The following DZANK1 variants were observed in gnomAD, a reference collection of about 807,000 sequenced individuals.
DZANK1 encodes double zinc ribbon and ankyrin repeat-containing protein 1.
In DZANK1, 91 loss-of-function variants were observed where a neutral mutation model predicts 94.5. The ratio of observed to expected loss-of-function variants is 0.96; its 90% CI spans 0.81 to 1.15. DZANK1 has a LOEUF of 1.15. DZANK1 is among the 50% of genes most tolerant of loss of function. DZANK1 has a pLI of 0.00. For synonymous variants in DZANK1, 312 were observed against 325.3 expected (o/e 0.96, Z 0.44); for missense variants, 903 against 916.4 (o/e 0.99, Z 0.19).
intron 8 of DZANK1, among the ~76,000 whole-genome samples, chr20:18,442,781 T>A (rs1193785956): frequency 6.6e-6 from 1 of 152,144 alleles, no homozygotes; most frequent in African/African-American, 2.4e-5. Context: ...CCCCAAAATA[T>A]CAAGTGCTTA....
At chr20:18,406,769 G>A (rs1436812712) in intron 13 of DZANK1, among the ~76,000 whole-genome samples, 2 of 152,242 alleles carry the variant, frequency 1.3e-5, no homozygotes, top group Non-Finnish European at 2.9e-5. Context: ...TAGGCCTAGG[G>A]CCTTGGACAG....
chr20:18,458,707 T>C (rs1013048127), intron 3 of DZANK1, among the ~76,000 whole-genome samples: 1 of 152,138 alleles, frequency 6.6e-6, no homozygotes, highest in Admixed American at 6.5e-5. Context: ...AGCCTCTCCA[T>C]CCAGGGATCA....
intron 19 of DZANK1, among the ~76,000 whole-genome samples, chr20:18,385,399 T>C (rs2048422293): frequency 6.6e-6 from 1 of 152,108 alleles, no homozygotes; most frequent in Admixed American, 6.6e-5. Context: ...CTGCAAGAGT[T>C]TATGCAACAT....
At chr20:18,426,374 T>C (rs960943086) in intron 10 of DZANK1, among the ~76,000 whole-genome samples, 3 of 151,848 alleles carry the variant, frequency 2.0e-5, no homozygotes, top group African/African-American at 4.9e-5. Flanking sequence ...ACCGCTGCTG[T>C]AGACCATAAT....
At chr20:18,423,830 A>C (rs1241329628) in intron 10 of DZANK1, among the ~76,000 whole-genome samples, 1 of 152,180 alleles carries the variant, frequency 6.6e-6, no homozygotes, top group East Asian at 1.9e-4. Flanking sequence ...GTGTTAGAAA[A>C]TAAGAAAAAT....
chr20:18,449,068 G>C, exon 7 of DZANK1: 1 of 1,613,170 alleles, frequency 6.2e-7, no homozygotes, highest in Non-Finnish European at 8.5e-7. Flanking sequence ...AAAACCGGGG[G>C]ACTAAAATTA....
intron 9 of DZANK1, among the ~76,000 whole-genome samples, chr20:18,427,556 G>A (rs2058096768): frequency 6.6e-6 from 1 of 151,748 alleles, no homozygotes; most frequent in Non-Finnish European, 1.5e-5. Flanking sequence ...GTATTCGTTT[G>A]GTTTTCAAAA....
intron 10 of DZANK1, among the ~76,000 whole-genome samples, chr20:18,418,226 G>A (rs545316264): frequency 1.3e-5 from 2 of 152,256 alleles, no homozygotes; most frequent in South Asian, 4.1e-4. Context: ...TGGAGCTAAG[G>A]GTAGTCTACA....
At chr20:18,385,844 G>T (rs965750552) in intron 19 of DZANK1, among the ~76,000 whole-genome samples, 1 of 152,170 alleles carries the variant, frequency 6.6e-6, no homozygotes, top group African/African-American at 2.4e-5. Context: ...CAGGGGGCAG[G>T]CCTGAGAGGT....
intron 17 of DZANK1, among the ~76,000 whole-genome samples, chr20:18,392,114 CT>C (rs1422981901): frequency 1.3e-5 from 2 of 152,090 alleles, no homozygotes; most frequent in Non-Finnish European, 2.9e-5. Flanking sequence ...TACTTATCCC[CT>C]AAGTGCAAAT....
At chr20:18,407,506 C>A (rs887078766) in intron 13 of DZANK1, among the ~76,000 whole-genome samples, 1 of 152,178 alleles carries the variant, frequency 6.6e-6, no homozygotes, top group Non-Finnish European at 1.5e-5. Context: ...CTTTTCAAGG[C>A]CCAGACACTG....
chr20:18,398,286 A>T (rs2876490), intron 14 of DZANK1: 267,796 of 493,608 alleles, frequency 0.54, 74,770 homozygotes, highest in East Asian at 0.64. Context: ...TGAGCATGAG[A>T]TGTTCAGAAT....
intron 3 of DZANK1, among the ~76,000 whole-genome samples, chr20:18,457,700 C>A (rs1022444044): frequency 6.6e-6 from 1 of 152,168 alleles, no homozygotes; most frequent in African/African-American, 2.4e-5. Flanking sequence ...AAGCAAAGCC[C>A]ACCCTTTCTC....
Position 18,453,714 on chromosome 20 carries a change from G to T in DZANK1, c.475+17C>A. ...GTTCAGAATACAAAACCTTGTCTTT[G>T]TTCTGTCACATCATACCTGGAAACT... On this transcript the variant is annotated intron_variant, in intron 5 of 20. Transcript: ENST00000262547. The T allele has an allele frequency of 6.4e-7, 1 of 1,568,466 alleles. No homozygotes were observed. The highest frequency in any genetic ancestry group is 1.1e-5 in the South Asian group (1 of 89,816).
chr20:18,386,114 T>A (rs2048480083), intron 19 of DZANK1, among the ~76,000 whole-genome samples: 1 of 152,184 alleles, frequency 6.6e-6, no homozygotes, highest in Non-Finnish European at 1.5e-5. Context: ...CCTCCACACC[T>A]GCAGATGTGC....
At chr20:18,421,057 T>G (rs556898774) in intron 10 of DZANK1, 1 of 167,370 alleles carries the variant, frequency 6.0e-6, no homozygotes, top group African/African-American at 2.4e-5. Context: ...TTCAGTTTTA[T>G]AATGAACCAG....
At chr20:18,389,255 G>A (rs753847743) in intron 19 of DZANK1, among the ~76,000 whole-genome samples, 1 of 152,144 alleles carries the variant, frequency 6.6e-6, no homozygotes, top group African/African-American at 2.4e-5. Flanking sequence ...AGATGTACCA[G>A]TCTCCTCTGC....
At chr20:18,450,549 T>C (rs1296323152) in intron 6 of DZANK1, among the ~76,000 whole-genome samples, 1 of 152,256 alleles carries the variant, frequency 6.6e-6, no homozygotes, top group African/African-American at 2.4e-5. Context: ...AATTATGTTA[T>C]TACACATAAA....
chr20:18,458,723 A>G (rs1429334453), intron 3 of DZANK1, among the ~76,000 whole-genome samples: 2 of 152,116 alleles, frequency 1.3e-5, no homozygotes, highest in Non-Finnish European at 2.9e-5. Context: ...GATCACCTGA[A>G]TCTTGGATGG....
Sources: allele counts gnomAD v4.1 joint callset (sites outside exome capture counted in the v4.1 genomes callset), GRCh38; gene constraint gnomAD v4.1.1; transcripts MANE v1.5; gene names NCBI Gene and HGNC (gene_info 2026-07-23, HGNC 2026-07-21).